The following SLC11A2 variants were observed in gnomAD, a reference collection of about 807,000 sequenced individuals.
SLC11A2 encodes the protein solute carrier family 11 member 2.
In SLC11A2, 38 loss-of-function variants were observed where a neutral mutation model predicts 68.0. That is an observed-to-expected ratio of 0.56 (90% CI 0.43 to 0.73). The LOEUF (loss-of-function observed/expected upper bound fraction) is 0.73, where lower values mean the gene tolerates loss of function less well. Among genes scored for constraint, SLC11A2 ranks in the 30% least tolerant of loss-of-function variants. The pLI is 0.00. For synonymous variants in SLC11A2, 242 were observed against 250.6 expected, an observed-to-expected ratio of 0.97 and a Z score of 0.32; for missense variants, 517 against 690.5, an observed-to-expected ratio of 0.75 and a Z score of 2.82.
chr12:50,974,477 C>T (rs1939822868), downstream of SLC11A2, among the ~76,000 whole-genome samples: 1 of 152,206 alleles, frequency 6.6e-6, no homozygotes, highest in African/African-American at 2.4e-5. Flanking sequence ...CCTACAAGAA[C>T]TCCTGAAGGA....
At chr12:50,973,530 AAG>A in the SLC11A2 span, among the ~76,000 whole-genome samples, 2 of 152,156 alleles carry the variant, frequency 1.3e-5, no homozygotes, top group East Asian at 1.9e-4. Flanking sequence ...TAAAACCACA[AAG>A]AGGGGAAAAA....
In SLC11A2 at chr12:50,994,652, C is replaced by T. The variant is rs759381239; in HGVS notation, c.991-22G>A. 2.0e-6 allele frequency: 3 copies of T among 1,496,850 alleles called. No homozygotes were observed. The East Asian group carries it at 6.8e-5, about 34-fold the overall frequency. 92.7% of individuals were successfully genotyped at this position (1,496,850 alleles called of 1,614,324 possible). ...CAACCTAGAACCCAAAGCAATTCAACAGCAACTTTTGTTTCAGAAGCAAGG... is the reference window on the plus strand; with the variant it reads ...CAACCTAGAACCCAAAGCAATTCAATAGCAACTTTTGTTTCAGAAGCAAGG... On this transcript the variant is annotated intron_variant, in intron 10 of 15. Transcript: ENST00000262052.
chr12:50,992,714 G>C, intron 12 of SLC11A2, 96 bp downstream of exon 12: 2 of 1,339,206 alleles, frequency 1.5e-6, no homozygotes, highest in Non-Finnish European at 2.1e-6. Flanking sequence ...CTTGGGCGAC[G>C]AGTGAGACTC....
the SLC11A2 span, among the ~76,000 whole-genome samples, chr12:50,960,017 T>C: frequency 1.3e-5 from 2 of 152,344 alleles, no homozygotes; most frequent in South Asian, 4.1e-4. Context: ...AATCTTTTTC[T>C]AGAATCTTTC....
intron 9 of SLC11A2, among the ~76,000 whole-genome samples, chr12:50,995,988 C>T (rs1441168136): frequency 6.6e-6 from 1 of 152,120 alleles, no homozygotes; most frequent in African/African-American, 2.4e-5. Flanking sequence ...AACTTCATGC[C>T]CTTTCGTTGA....
chr12:50,971,416 C>G, the SLC11A2 span, among the ~76,000 whole-genome samples: 1 of 152,156 alleles, frequency 6.6e-6, no homozygotes. Flanking sequence ...TTTGTTTATT[C>G]ATTTTTAGAC....
At chr12:50,965,922 T>C in the SLC11A2 span, among the ~76,000 whole-genome samples, 1 of 152,352 alleles carries the variant, frequency 6.6e-6, no homozygotes, top group East Asian at 1.9e-4. Context: ...TTCTAGGAAT[T>C]GGTCAAGGAG....
rs946376233 is a variant in SLC11A2, at chr12:51,026,232, A to G, written c.-39+78T>C. ...CTAGCCCCGGAGCCTGACCCCCGAC[A>G]CAGGCCCTCGAGCCGCCCCGCGCCC... On this transcript the variant is annotated intron_variant, in intron 1 of 15. Coordinates refer to ENST00000262052, the MANE Select transcript of SLC11A2 (RefSeq NM_000617.3). 4.7e-5 allele frequency: 57 copies of G among 1,221,182 alleles called. No homozygotes were observed. In the Admixed American group the frequency reaches 1.5e-3, roughly 33 times the overall value. 75.6% of individuals were successfully genotyped at this position (1,221,182 alleles called of 1,614,324 possible).
the SLC11A2 span, among the ~76,000 whole-genome samples, chr12:50,959,122 TTTTA>T: frequency 7.2e-5 from 11 of 152,266 alleles, no homozygotes; most frequent in East Asian, 2.1e-3. Flanking sequence ...ATATCCTCTT[TTTTA>T]TTTTTTTCCT....
chr12:50,986,902 A>T lies in SLC11A2; in HGVS notation c.*1423T>A. 1 of 1,287,236 alleles carries T rather than the reference A, an allele frequency of 7.8e-7. No individual in the cohort carries two copies. Among genetic ancestry groups the T allele is most frequent in the Non-Finnish European group, 1.0e-6 (1 of 988,696 alleles). The allele number at this position is 1,287,236 out of a possible 1,614,324, so 79.7% of individuals were successfully genotyped here. A position where few individuals can be genotyped will look rare whatever the true frequency, so the allele number is the denominator to read the frequency against. On this transcript the variant is annotated 3_prime_UTR_variant, in exon 16 of 16. Transcript: ENST00000262052. ...TTTTGGGGGCTCAGATGAACAGCGAACACCAATCAGCCAGGACTCTGGAAG... is the reference window on the plus strand; with the variant it reads ...TTTTGGGGGCTCAGATGAACAGCGATCACCAATCAGCCAGGACTCTGGAAG...
rs926587901 is a variant in SLC11A2, at chr12:50,987,226, G to A, written c.*1099C>T. 2 of 1,287,064 alleles carry A rather than the reference G, an allele frequency of 1.6e-6. No individual in the cohort carries two copies. The highest frequency in any genetic ancestry group is 3.0e-5 in the African/African-American group (2 of 65,806). The allele number at this position is 1,287,064 out of a possible 1,614,324, so 79.7% of individuals were successfully genotyped here. On this transcript the variant is annotated 3_prime_UTR_variant, in exon 16 of 16. Transcript: ENST00000262052. Reference sequence around the variant, plus strand: ...CCCAGTTCAACTTTGCTGAGACAGTGAACTTTGCAACCATACTAACACCTA... The same window carrying A: ...CCCAGTTCAACTTTGCTGAGACAGTAAACTTTGCAACCATACTAACACCTA...
chr12:50,994,380 C>G (rs1941501548), intron 11 of SLC11A2, among the ~76,000 whole-genome samples, 164 bp downstream of exon 11: 1 of 152,096 alleles, frequency 6.6e-6, no homozygotes, highest in Admixed American at 6.6e-5. Context: ...ATCCTCTATT[C>G]CTTCCCATTT....
At position 50,986,792 on chromosome 12, in the gene SLC11A2, C is replaced by T. The variant is rs1330149628; in HGVS notation, c.*1533G>A. ...TAAGAAAAATGTATGGTCAGTGAAA[C>T]ACAGTAGTGTACCCTTAAATGCCTT... On this transcript the variant is annotated 3_prime_UTR_variant, in exon 16 of 16. Coordinates refer to ENST00000262052, the MANE Select transcript of SLC11A2 (RefSeq NM_000617.3). 3.9e-6 allele frequency: 5 copies of T among 1,287,030 alleles called. No homozygotes were observed. In the African/African-American group the frequency reaches 7.6e-5, roughly 20 times the overall value. The allele number at this position is 1,287,030 out of a possible 1,614,324, so 79.7% of individuals were successfully genotyped here. A position where few individuals can be genotyped will look rare whatever the true frequency, so the allele number is the denominator to read the frequency against.
At chr12:50,992,066 G>A in intron 13 of SLC11A2, 124 bp downstream of exon 13, 1 of 991,992 alleles carries the variant, frequency 1.0e-6, no homozygotes, top group Non-Finnish European at 1.6e-6. Flanking sequence ...ATTTACTGCA[G>A]ACCACAACCA....
intron 1 of SLC11A2, among the ~76,000 whole-genome samples, chr12:51,016,471 C>T (rs1202382867): frequency 6.6e-6 from 1 of 151,904 alleles, no homozygotes; most frequent in Non-Finnish European, 1.5e-5. Context: ...ATCGTGAGGT[C>T]GAGAGCTTGA....
At chr12:51,024,025 A>G (rs2269683) in intron 1 of SLC11A2, among the ~76,000 whole-genome samples, 10,811 of 152,198 alleles carry the variant, frequency 0.071, 735 homozygotes, top group East Asian at 0.28. Flanking sequence ...GAACTCTCTT[A>G]TTCCAAAACT....
intron 1 of SLC11A2, among the ~76,000 whole-genome samples, chr12:51,022,438 CA>C (rs147670584): frequency 0.089 from 10,516 of 118,002 alleles, 445 homozygotes; most frequent in African/African-American, 0.16. Context: ...TACTTTTTTC[CA>C]AAAAAAAAAA....
At chr12:50,952,407 T>C in the SLC11A2 span, among the ~76,000 whole-genome samples, 4 of 152,182 alleles carry the variant, frequency 2.6e-5, no homozygotes, top group African/African-American at 4.8e-5. Flanking sequence ...GGAAAAACCA[T>C]GAACGCTACC....
rs12312876 is a variant in SLC11A2, at chr12:50,992,401, A to C, written c.1198-62T>G. 4,591 of 1,501,786 alleles carry C rather than the reference A, an allele frequency of 3.1e-3. 110 individuals are homozygous for C. The African/African-American group carries it at 0.053, about 17-fold the overall frequency. The allele number at this position is 1,501,786 out of a possible 1,614,324, so 93.0% of individuals were successfully genotyped here. The stretch of plus-strand genomic sequence containing the variant: ...CAGGAAACAAAAAAAAGTTTTGGGG[A>C]GGTTCAGGAGAGACCTCAGAAGAAT... On this transcript the variant is annotated intron_variant, in intron 12 of 15. Transcript: ENST00000262052.
Sources: gnomAD v4.1 joint callset for allele counts (sites outside exome capture counted in the v4.1 genomes callset) on GRCh38, gnomAD v4.1.1 for gene constraint, MANE v1.5 for transcripts, NCBI Gene and HGNC (gene_info 2026-07-23, HGNC 2026-07-21) for gene names.